The following CEP112 variants were observed in gnomAD, a reference collection of about 807,000 sequenced individuals.
CEP112 encodes the protein centrosomal protein of 112 kDa.
Under a neutral mutation model 153.0 loss-of-function variants are expected in CEP112, and 127 were observed. That is an observed-to-expected ratio of 0.83 (90% CI 0.72 to 0.96). CEP112 has a LOEUF of 0.96. Ranked by LOEUF, CEP112 falls within the 40% of genes least tolerant of loss-of-function variation. The pLI is 0.00. For missense variants in CEP112, 1,089 were observed against 1,101.2 expected (o/e 0.99, Z 0.16); for synonymous variants, 358 against 374.4 (o/e 0.96, Z 0.51).
chr17:65,826,078 G>C, intron 21 of CEP112: 1 of 1,543,196 alleles, frequency 6.5e-7, no homozygotes, highest in African/African-American at 1.4e-5. Flanking sequence ...GCTCAGCAAT[G>C]AGATTTATTT....
chr17:65,739,227 T>A (rs1445810509), intron 23 of CEP112, among the ~76,000 whole-genome samples: 1 of 152,184 alleles, frequency 6.6e-6, no homozygotes, highest in African/African-American at 2.4e-5. Flanking sequence ...ATTGAGCAGA[T>A]GAACCACCCA....
intron 24 of CEP112, among the ~76,000 whole-genome samples, chr17:65,678,503 T>G (rs2047344891): frequency 6.6e-6 from 1 of 152,194 alleles, no homozygotes; most frequent in Non-Finnish European, 1.5e-5. Flanking sequence ...AAGCCAAAAC[T>G]GTCTTAAAAA....
intron 17 of CEP112, among the ~76,000 whole-genome samples, chr17:66,004,139 A>T (rs531385108): frequency 1.7e-4 from 26 of 152,284 alleles, no homozygotes; most frequent in African/African-American, 6.3e-4. Context: ...ATTATTTTAA[A>T]GAGAAAAAAT....
At chr17:66,052,512 A>G (rs1223454556) in intron 12 of CEP112, among the ~76,000 whole-genome samples, 1 of 152,172 alleles carries the variant, frequency 6.6e-6, no homozygotes, top group African/African-American at 2.4e-5. Context: ...ATATATATAT[A>G]TAATCAATGA....
intron 4 of CEP112, among the ~76,000 whole-genome samples, chr17:66,142,862 T>A (rs1227406641): frequency 6.6e-6 from 1 of 151,918 alleles, no homozygotes; most frequent in Non-Finnish European, 1.5e-5. Context: ...AATTTTCATA[T>A]TTTTTTTATT....
chr17:66,049,859 C>G (rs1286489565), intron 12 of CEP112, among the ~76,000 whole-genome samples: 1 of 151,966 alleles, frequency 6.6e-6, no homozygotes, highest in Non-Finnish European at 1.5e-5. Context: ...AAAGAATTAA[C>G]TGATGAGAGT....
chr17:65,690,425 C>CAAAAAAAAAAAAAAAAAA (rs67648497), intron 23 of CEP112, among the ~76,000 whole-genome samples: 1 of 76,704 alleles, frequency 1.3e-5, no homozygotes, highest in Non-Finnish European at 2.4e-5. Flanking sequence ...GACCCTGTCT[C>CAAAAAAAAAAAAAAAAAA]AAAAAAAAAA....
chr17:66,182,476 G>A (rs1428850760), intron 2 of CEP112: 1 of 152,080 alleles, frequency 6.6e-6, no homozygotes, highest in Admixed American at 6.6e-5. Flanking sequence ...AGGGAAACAG[G>A]CAACTTACAG....
At chr17:65,698,313 T>A (rs976994851) in intron 23 of CEP112, among the ~76,000 whole-genome samples, 1 of 152,218 alleles carries the variant, frequency 6.6e-6, no homozygotes, top group Admixed American at 6.5e-5. Context: ...AAAAATACTG[T>A]GGCCACTATA....
At chr17:66,147,634 C>G (rs1012415598) in intron 4 of CEP112, among the ~76,000 whole-genome samples, 4 of 152,030 alleles carry the variant, frequency 2.6e-5, no homozygotes, top group Admixed American at 6.6e-5. Context: ...CGTATGTTTC[C>G]CTATTATAGC....
intron 24 of CEP112, among the ~76,000 whole-genome samples, chr17:65,683,112 C>T (rs959023207): frequency 1.3e-5 from 2 of 152,128 alleles, no homozygotes; most frequent in Non-Finnish European, 2.9e-5. Flanking sequence ...GGTTTCTCTC[C>T]CTGTGCCTTG....
At chr17:65,914,251 CTGTG>C (rs1212804026) in intron 19 of CEP112, among the ~76,000 whole-genome samples, 1 of 149,564 alleles carries the variant, frequency 6.7e-6, no homozygotes, top group African/African-American at 2.5e-5. Context: ...AATGAGATGT[CTGTG>C]TCTTAATCTA....
chr17:66,049,141 C>A (rs923090345), intron 12 of CEP112, among the ~76,000 whole-genome samples: 1 of 152,122 alleles, frequency 6.6e-6, no homozygotes, highest in Non-Finnish European at 1.5e-5. Flanking sequence ...ATGGAGATCT[C>A]TCCCTGAGGT....
intron 18 of CEP112, among the ~76,000 whole-genome samples, chr17:65,935,148 A>T (rs999882708): frequency 6.6e-6 from 1 of 152,222 alleles, no homozygotes; most frequent in African/African-American, 2.4e-5. Flanking sequence ...CATAGAATTT[A>T]AGTCAAAACT....
chr17:66,033,021 G>A (rs749662548), intron 12 of CEP112, among the ~76,000 whole-genome samples: 5 of 134,202 alleles, frequency 3.7e-5, no homozygotes, highest in Non-Finnish European at 8.1e-5. Flanking sequence ...AATCTGGCAC[G>A]AAAAAGAAGC....
At chr17:66,058,609 G>A (rs1469479433) in intron 11 of CEP112, among the ~76,000 whole-genome samples, 1 of 152,112 alleles carries the variant, frequency 6.6e-6, no homozygotes, top group Non-Finnish European at 1.5e-5. Context: ...AGCACTACTG[G>A]GAGGCTGAGG....
rs2061738810 is a variant in CEP112 at position 65,949,219 on chromosome 17, T to G, written c.1872+12244A>C. Among the ~76,000 whole-genome samples the G allele has an allele frequency of 2.0e-5, 3 of 152,344 alleles. 1 individual carries two copies. Among genetic ancestry groups the G allele is most frequent in the Admixed American group, 2.0e-4 (3 of 15,286 alleles). ...ATTTGCCATGTAAGAATTACTTGAT[T>G]TGCGAATAAGCCTAGCTATAAGGAT... On this transcript the variant is annotated intron_variant, in intron 18 of 26. Coordinates refer to ENST00000535342, the MANE Select transcript of CEP112 (RefSeq NM_001199165.4).
intron 21 of CEP112, among the ~76,000 whole-genome samples, chr17:65,833,458 A>AGTTTTGG (rs1454747782): frequency 6.6e-6 from 1 of 152,128 alleles, no homozygotes; most frequent in African/African-American, 2.4e-5. Flanking sequence ...AAAACCCCAC[A>AGTTTTGG]GTTTTGGCCC....
intron 24 of CEP112, among the ~76,000 whole-genome samples, chr17:65,675,857 T>C (rs372615787): frequency 6.6e-6 from 1 of 152,128 alleles, no homozygotes; most frequent in East Asian, 1.9e-4. Flanking sequence ...AAAATTCATA[T>C]GATTACTTCA....
Sources: allele counts gnomAD v4.1 joint callset (sites outside exome capture counted in the v4.1 genomes callset), GRCh38; gene constraint gnomAD v4.1.1; transcripts MANE v1.5; gene names NCBI Gene and HGNC (gene_info 2026-07-23, HGNC 2026-07-21).